ACSL3: variants seen among roughly 807,000 people sequenced by gnomAD.
ACSL3 encodes acyl-CoA synthetase long chain family member 3, also known as fatty acid CoA ligase Acsl3.
ACSL3 carries 34 observed loss-of-function variants against 84.7 expected under a neutral mutation model. The ratio of observed to expected loss-of-function variants is 0.40; its 90% CI spans 0.31 to 0.53. The LOEUF (loss-of-function observed/expected upper bound fraction) is 0.53, where lower values mean the gene tolerates loss of function less well. Among genes scored for constraint, ACSL3 ranks in the 20% least tolerant of loss-of-function variants. The pLI is 0.48. For missense variants in ACSL3, 680 were observed against 873.1 expected (o/e 0.78, Z 2.79); for synonymous variants, 315 against 299.4 (o/e 1.05, Z -0.54).
intron 3 of ACSL3, among the ~76,000 whole-genome samples, chr2:222,901,409 A>G (rs6718830): frequency 0.32 from 48,047 of 152,010 alleles, 7,840 homozygotes; most frequent in Admixed American, 0.41. Context: ...CCATTGATCT[A>G]TCTGTCTGTC....
intron 2 of ACSL3, among the ~76,000 whole-genome samples, chr2:222,891,888 A>G (rs1695852573): frequency 6.6e-6 from 1 of 152,236 alleles, no homozygotes; most frequent in Non-Finnish European, 1.5e-5. Flanking sequence ...TTATTTCCTC[A>G]TAAAACTTCC....
chr2:222,894,685 G>A (rs528347769), intron 2 of ACSL3, among the ~76,000 whole-genome samples: 1 of 151,276 alleles, frequency 6.6e-6, no homozygotes, highest in Non-Finnish European at 1.5e-5. Flanking sequence ...TAAAAACCTT[G>A]ACTTGCCTAT....
intron 6 of ACSL3, 54 bp from the exon 7 acceptor site, chr2:222,919,010 T>A: frequency 6.3e-7 from 1 of 1,592,782 alleles, no homozygotes; most frequent in East Asian, 2.3e-5. Context: ...AGTATTCTTA[T>A]TCGCTAAGCT....
intron 1 of ACSL3, among the ~76,000 whole-genome samples, chr2:222,868,617 G>A (rs1695214675): frequency 6.6e-6 from 1 of 152,080 alleles, no homozygotes; most frequent in Non-Finnish European, 1.5e-5. Flanking sequence ...CATAAGTTGA[G>A]GTACATTAAC....
intron 1 of ACSL3, among the ~76,000 whole-genome samples, chr2:222,878,000 GTAAGTT>G (rs1695494637): frequency 6.6e-6 from 1 of 150,410 alleles, no homozygotes; most frequent in Admixed American, 6.6e-5. Context: ...TTCAGGGAGA[GTAAGTT>G]TAATTTATTC....
intron 2 of ACSL3, among the ~76,000 whole-genome samples, chr2:222,891,642 G>A (rs1041093515): frequency 2.6e-5 from 4 of 152,000 alleles, no homozygotes; most frequent in Admixed American, 2.0e-4. Flanking sequence ...TGTTATTTCC[G>A]CTATCATACT....
At chr2:222,867,965 A>G (rs552792070) in intron 1 of ACSL3, among the ~76,000 whole-genome samples, 191 of 148,658 alleles carry the variant, frequency 1.3e-3, no homozygotes, top group Admixed American at 4.8e-3. Flanking sequence ...TCTTTACTTT[A>G]GTTAACTTTC....
At chr2:222,938,712 A>G (rs750564688) in intron 16 of ACSL3, among the ~76,000 whole-genome samples, 2 of 152,202 alleles carry the variant, frequency 1.3e-5, no homozygotes, top group Non-Finnish European at 2.9e-5. Flanking sequence ...ATTTCTTCAA[A>G]TAGGCTTTCT....
chr2:222,925,073 A>C (rs541954096), intron 11 of ACSL3, among the ~76,000 whole-genome samples: 13 of 151,258 alleles, frequency 8.6e-5, no homozygotes, highest in African/African-American at 3.2e-4. Flanking sequence ...ACGGTGGCTC[A>C]CTCCTGTAAT....
intron 2 of ACSL3, 87 bp downstream of exon 2, chr2:222,887,975 A>C (rs1193414242): frequency 2.6e-5 from 4 of 152,180 alleles, no homozygotes; most frequent in Non-Finnish European, 1.5e-5. Context: ...GGCTAAATTG[A>C]CCAAAAAATT....
At chr2:222,887,568 G>A (rs1447713703) in intron 1 of ACSL3, among the ~76,000 whole-genome samples, 1 of 152,148 alleles carries the variant, frequency 6.6e-6, no homozygotes, top group Non-Finnish European at 1.5e-5. Context: ...CCACATCCTT[G>A]CAAGCATTGG....
intron 1 of ACSL3, among the ~76,000 whole-genome samples, chr2:222,886,042 T>C (rs1259680656): frequency 2.0e-5 from 3 of 151,958 alleles, no homozygotes; most frequent in African/African-American, 7.3e-5. Flanking sequence ...CATGCCTGAC[T>C]TTAAAAAAAA....
rs756484315 is a variant in ACSL3 at position 222,927,100 on chromosome 2, C to T, written c.1376C>T (p.Thr459Met). 1.2e-6 allele frequency: 2 copies of T among 1,614,150 alleles called. No homozygotes were observed. The highest frequency in any genetic ancestry group is 1.7e-5 in the Admixed American group (1 of 60,022). The change falls in exon 12 of 17, where the codon ACG becomes ATG. Residue 459 changes from threonine to methionine, a missense_variant. Thr to Met is a moderately conservative substitution (Grantham distance 81). Around this residue, in one of 2 missense-constraint regions of ACSL3, gnomAD observed 347 missense variants for 525.7 expected, o/e 0.66. Coordinates refer to ENST00000357430, the MANE Select transcript of ACSL3 (RefSeq NM_004457.5). ...GGTGGCGCTCCACTTTCTGCAACCA[C>T]GCAGCGATTCATGAACATCTGTTTC... ...LCGGAPLSAT[T>M]QRFMNICFCC...
chr2:222,937,888 G>C (rs1043485923), intron 16 of ACSL3, among the ~76,000 whole-genome samples: 4 of 151,394 alleles, frequency 2.6e-5, no homozygotes, highest in Non-Finnish European at 2.9e-5. Flanking sequence ...GCCTTCTTTT[G>C]TTTTGTTGAT....
intron 8 of ACSL3, among the ~76,000 whole-genome samples, chr2:222,921,985 A>G (rs527598491): frequency 1.1e-4 from 16 of 152,304 alleles, no homozygotes; most frequent in South Asian, 4.1e-4. Flanking sequence ...TATGCACAGA[A>G]ATTACAAACA....
rs187920312 is a variant in ACSL3, at chr2:222,879,481, C to T, written c.-206-8349C>T. ...CTCACTGTATGCTCACCCATGCCTC[C>T]CTGTTAGGCAGGAGTGAAGGAGGAA... On this transcript the variant is annotated intron_variant, in intron 1 of 16. Coordinates refer to ENST00000357430, the MANE Select transcript of ACSL3 (RefSeq NM_004457.5). Among the ~76,000 whole-genome samples the T allele has an allele frequency of 1.1e-3, 169 of 152,268 alleles. 1 individual carries two copies. The highest frequency in any genetic ancestry group is 3.7e-3 in the African/African-American group (153 of 41,560).
chr2:222,915,819 A>G (rs1696566442), intron 4 of ACSL3, among the ~76,000 whole-genome samples: 2 of 152,224 alleles, frequency 1.3e-5, no homozygotes, highest in South Asian at 4.1e-4. Flanking sequence ...TTCAGCAATC[A>G]TAAAGATTTC....
At chr2:222,864,049 GAA>G in intron 1 of ACSL3, among the ~76,000 whole-genome samples, 1 of 152,012 alleles carries the variant, frequency 6.6e-6, no homozygotes, top group African/African-American at 2.4e-5. Context: ...GAAATACTGA[GAA>G]AATGGAGATA....
intron 1 of ACSL3, among the ~76,000 whole-genome samples, chr2:222,886,168 A>G (rs1424273989): frequency 6.6e-6 from 1 of 151,988 alleles, no homozygotes; most frequent in Non-Finnish European, 1.5e-5. Flanking sequence ...TCAACCCATC[A>G]TCATCTAAGT....
Sources: allele counts gnomAD v4.1 joint callset (sites outside exome capture counted in the v4.1 genomes callset), GRCh38; gene constraint gnomAD v4.1.1; regional missense constraint gnomAD v4.1.1; transcripts MANE v1.5; gene names NCBI Gene and HGNC (gene_info 2026-07-23, HGNC 2026-07-21).